Variants in TKT observed in about 807,000 individuals in gnomAD.
The protein encoded by TKT is epididymis luminal protein 107.
Under a neutral mutation model 63.9 loss-of-function variants are expected in TKT, and 47 were observed. The observed-to-expected ratio is 0.74, with a 90% CI of 0.58 to 0.94. The LOEUF is 0.94. Among genes scored for constraint, TKT ranks in the 40% least tolerant of loss-of-function variants. The pLI is 0.00. For missense variants in TKT, 721 were observed against 846.2 expected, an observed-to-expected ratio of 0.85 and a Z score of 1.84; for synonymous variants, 338 against 334.1, an observed-to-expected ratio of 1.01 and a Z score of -0.13.
At chr3:53,241,301 C>T in intron 2 of TKT, 56 bp from the exon 3 acceptor site, 1 of 1,482,884 alleles carries the variant, frequency 6.7e-7, no homozygotes, top group Non-Finnish European at 9.1e-7. Context: ...CTACTTCGGG[C>T]TGTGCCTACT....
intron 1 of TKT, among the ~76,000 whole-genome samples, chr3:53,246,563 G>A (rs1347190305): frequency 1.3e-5 from 2 of 152,024 alleles, no homozygotes; most frequent in African/African-American, 4.8e-5. Context: ...TATACTACAA[G>A]GAAAACAGGC....
chr3:53,231,466 A>G lies in TKT; in HGVS notation c.833T>C (p.Ile278Thr), dbSNP rs1704755345. The G allele has an allele frequency of 2.5e-6, 4 of 1,613,998 alleles. No homozygotes were observed. The highest frequency in any genetic ancestry group is 3.4e-6 in the Non-Finnish European group (4 of 1,180,032). ...EQIIQEIYSQIQSKKKILATP... is the reference protein window; with the variant it reads ...EQIIQEIYSQTQSKKKILATP... ...TGCCAGGATCTTCTTTTTGCTCTGG[A>G]TCTGGCTGTAGATCTCCTGGATGAT... is the stretch of plus-strand genomic sequence containing the variant. Residue 278 changes from isoleucine to threonine, a missense_variant, in exon 7 of 14, where the codon ATC (isoleucine) becomes ACC (threonine). By Grantham distance (89) the Ile-to-Thr change is moderately conservative. Coordinates refer to ENST00000462138, the MANE Select transcript of TKT (RefSeq NM_001064.4).
Position 53,229,262 on chromosome 3 carries a change from C to T in TKT, c.1264+18G>A, listed in dbSNP as rs782701579. On this transcript the variant is annotated intron_variant, in intron 9 of 13. Transcript: ENST00000462138. ...AAGTCAAGGGAGCTCCAGGTGTAAA[C>T]ACCCTGGCTAAACTCACCGATGGAA... 2.4e-5 allele frequency: 39 copies of T among 1,613,766 alleles called. No homozygotes were observed. Among genetic ancestry groups the T allele is most frequent in the Middle Eastern group, 1.6e-4 (1 of 6,084 alleles).
At chr3:53,234,928 TCACAGACCACTCTCCCGTGCTGTGAC>T (rs782513653) in intron 5 of TKT, 29 bp downstream of exon 5, 285 of 1,529,934 alleles carry the variant, frequency 1.9e-4, no homozygotes, top group Middle Eastern at 4.0e-4. Context: ...AAAGCTGTGA[TCACAGACCACTCTCCCGTGCTGTGAC>T]CACACTCAGG....
chr3:53,237,261 G>A (rs782223212), intron 4 of TKT, among the ~76,000 whole-genome samples: 39 of 151,990 alleles, frequency 2.6e-4, no homozygotes, highest in Non-Finnish European at 4.1e-4. Flanking sequence ...GGTGGTGCGC[G>A]TCTGTAATCC....
intron 7 of TKT, 65 bp downstream of exon 7, chr3:53,231,292 A>T: frequency 6.4e-7 from 1 of 1,568,804 alleles, no homozygotes; most frequent in South Asian, 1.2e-5. Context: ...CAGAGGGTGT[A>T]TCTGGGCCAC....
chr3:53,237,150 G>A (rs1317869743), intron 4 of TKT, among the ~76,000 whole-genome samples: 2 of 152,128 alleles, frequency 1.3e-5, no homozygotes, highest in African/African-American at 2.4e-5. Context: ...CTGGGAGGCT[G>A]AAGTAGGGAG....
Position 53,233,284 on chromosome 3 carries a change from G to A in TKT, c.630-10C>T. ...GATGATGGCATGCCAACTGGGGACA[G>A]GGGGCAGAGAGTAAGGGGCAATTCC... On this transcript the variant is annotated splice_polypyrimidine_tract_variant and intron_variant, in intron 5 of 13. Coordinates refer to ENST00000462138, the MANE Select transcript of TKT (RefSeq NM_001064.4). The A allele has an allele frequency of 6.2e-7, 1 of 1,604,810 alleles. No individual in the cohort carries two copies. Among genetic ancestry groups the A allele is most frequent in the Non-Finnish European group, 8.5e-7 (1 of 1,174,896 alleles).
In TKT at chr3:53,229,425, C is replaced by T. The variant is rs782166900; in HGVS notation, c.1119G>A (p.Ala373=). 25 of 1,606,838 alleles carry T rather than the reference C, an allele frequency of 1.6e-5. No homozygotes were observed. The highest frequency in any genetic ancestry group is 1.7e-4 in the Middle Eastern group (1 of 5,954). The part of the protein sequence containing the change: ...YIAEQNMVSI[A]VGCATRNRTV... ...TCCTGTTGCGGGTGGCACAGCCCAC[C>T]GCGATGCTCACCTGGGGGCAGGTGG... Residue 373 remains alanine (A), a synonymous_variant, in exon 9 of 14, where the codon GCG becomes GCA. Coordinates refer to ENST00000462138, the MANE Select transcript of TKT (RefSeq NM_001064.4).
At chr3:53,241,335 C>G in intron 2 of TKT, 90 bp from the exon 3 acceptor site, 1 of 1,115,502 alleles carries the variant, frequency 9.0e-7, no homozygotes, top group Non-Finnish European at 1.2e-6. Flanking sequence ...TGGGGCCCGG[C>G]CGAGCCGGCC....
At chr3:53,228,429 A>G (rs1704599511) in intron 10 of TKT, 70 bp from the exon 11 acceptor site, 2 of 1,548,180 alleles carry the variant, frequency 1.3e-6, no homozygotes, top group Admixed American at 3.3e-5. Flanking sequence ...AGGTCTTTCT[A>G]GAGAGGCCAT....
At chr3:53,252,311 T>A (rs782392318) in intron 1 of TKT, among the ~76,000 whole-genome samples, 16 of 152,170 alleles carry the variant, frequency 1.1e-4, no homozygotes, top group Non-Finnish European at 2.2e-4. Context: ...AAGATAAACA[T>A]CTGGGGACAA....
chr3:53,254,342 C>T (rs782632431), intron 1 of TKT, among the ~76,000 whole-genome samples: 63 of 152,116 alleles, frequency 4.1e-4, no homozygotes, highest in Non-Finnish European at 6.8e-4. Context: ...GCAGGGGATA[C>T]CCCACATAAG....
At position 53,226,778 on chromosome 3, in the gene TKT, G is replaced by T. The variant is rs782427350; in HGVS notation, c.1674C>A (p.Thr558=). ...TACCTTCATAATAATGGTCCTCCAC[G>T]GTGAGGATCCTGCCCTTGGTGGCAC... is the stretch of plus-strand genomic sequence containing the variant. ...SARATKGRIL[T]VEDHYYEGGI... Residue 558 remains threonine (T), a synonymous_variant, in exon 13 of 14, where the codon ACC becomes ACA. Transcript: ENST00000462138. The T allele has an allele frequency of 6.2e-6, 10 of 1,614,142 alleles. No individual in the cohort carries two copies. Among genetic ancestry groups the T allele is most frequent in the Non-Finnish European group, 7.6e-6 (9 of 1,180,004 alleles).
At chr3:53,226,518 C>T (rs1575557745) in intron 13 of TKT, 1 of 538,568 alleles carries the variant, frequency 1.9e-6, no homozygotes, top group East Asian at 3.5e-5. Flanking sequence ...GGTTGGAATC[C>T]TCACCAGCTT....
chr3:53,231,248 T>TA, intron 7 of TKT, 109 bp downstream of exon 7: 1 of 1,278,426 alleles, frequency 7.8e-7, no homozygotes, highest in Non-Finnish European at 1.1e-6. Context: ...CTCCTCGCCC[T>TA]AAATGAATCG....
intron 8 of TKT, 141 bp downstream of exon 8, chr3:53,230,316 C>G (rs1013724390): frequency 1.8e-6 from 2 of 1,103,514 alleles, no homozygotes; most frequent in African/African-American, 3.1e-5. Flanking sequence ...CAGGGGTTAA[C>G]GCTGGGTCCT....
intron 1 of TKT, among the ~76,000 whole-genome samples, chr3:53,243,216 C>T (rs2106709000): frequency 6.6e-6 from 1 of 152,104 alleles, no homozygotes; most frequent in Middle Eastern, 3.4e-3. Context: ...TTCCTGCTTC[C>T]CAGCAGGAAG....
chr3:53,232,399 G>T (rs1704805871), intron 6 of TKT: 1 of 398,710 alleles, frequency 2.5e-6, no homozygotes, highest in Non-Finnish European at 4.4e-6. Context: ...GTCTACATGG[G>T]CAGAACAAGC....
Sources: allele counts gnomAD v4.1 joint callset (sites outside exome capture counted in the v4.1 genomes callset), GRCh38; gene constraint gnomAD v4.1.1; transcripts MANE v1.5; gene names NCBI Gene and HGNC (gene_info 2026-07-23, HGNC 2026-07-21).